The following CTNNA3 variants were observed in gnomAD, a reference collection of about 807,000 sequenced individuals.
The protein encoded by CTNNA3 is catenin alpha-3.
Under a neutral mutation model 95.7 loss-of-function variants are expected in CTNNA3, and 76 were observed. That is an observed-to-expected ratio of 0.79 (90% CI 0.66 to 0.96). The LOEUF (loss-of-function observed/expected upper bound fraction) is 0.96. Among genes scored for constraint, CTNNA3 ranks in the 40% least tolerant of loss-of-function variants. CTNNA3 has a pLI of 0.00. For synonymous variants in CTNNA3, 431 were observed against 374.4 expected (o/e 1.15, Z -1.74); for missense variants, 1,191 against 1,089.8 (o/e 1.09, Z -1.31).
chr10:66,532,467 GAAA>G (rs56400755), intron 10 of CTNNA3, among the ~76,000 whole-genome samples: 2 of 136,006 alleles, frequency 1.5e-5, no homozygotes, highest in Admixed American at 7.2e-5. Context: ...GTCTCAAAAA[GAAA>G]AAAAAAAAAA....
intron 11 of CTNNA3, among the ~76,000 whole-genome samples, chr10:66,457,695 G>A (rs556252971): frequency 6.6e-6 from 1 of 151,550 alleles, no homozygotes; most frequent in Admixed American, 6.6e-5. Context: ...AAAATAAAAT[G>A]AGCAAAAATG....
chr10:66,836,667 T>C (rs947759152), intron 7 of CTNNA3, among the ~76,000 whole-genome samples: 2 of 152,172 alleles, frequency 1.3e-5, no homozygotes, highest in Non-Finnish European at 2.9e-5. Flanking sequence ...ATGTGGCATG[T>C]AGCGAATAAC....
chr10:66,817,992 A>T (rs1842154831), intron 7 of CTNNA3, among the ~76,000 whole-genome samples: 1 of 151,948 alleles, frequency 6.6e-6, no homozygotes, highest in Non-Finnish European at 1.5e-5. Flanking sequence ...AACATATGAA[A>T]CTCAATCGAT....
chr10:66,337,880 A>G (rs2092413302), intron 12 of CTNNA3, among the ~76,000 whole-genome samples: 1 of 152,186 alleles, frequency 6.6e-6, no homozygotes, highest in Admixed American at 6.5e-5. Flanking sequence ...TTACCACATG[A>G]CCCAGCAATT....
chr10:66,688,224 T>C (rs1407558305), intron 9 of CTNNA3, among the ~76,000 whole-genome samples: 1 of 152,158 alleles, frequency 6.6e-6, no homozygotes. Flanking sequence ...GTCCACTGTG[T>C]CATAAAATCA....
intron 13 of CTNNA3, among the ~76,000 whole-genome samples, chr10:66,241,919 C>T (rs10762038): frequency 0.21 from 32,515 of 151,894 alleles, 3,658 homozygotes; most frequent in South Asian, 0.29. Context: ...CAGGAGAATA[C>T]TTTCAAAACC....
At chr10:66,915,094 T>C (rs751877835) in intron 7 of CTNNA3, among the ~76,000 whole-genome samples, 3 of 149,884 alleles carry the variant, frequency 2.0e-5, no homozygotes, top group Non-Finnish European at 4.4e-5. Flanking sequence ...CAAAGAAAAA[T>C]GTGGAGAGAT....
intron 1 of CTNNA3, among the ~76,000 whole-genome samples, chr10:67,740,068 T>C (rs1442660987): frequency 6.6e-6 from 1 of 152,240 alleles, no homozygotes; most frequent in East Asian, 1.9e-4. Context: ...AAGGATTCCC[T>C]ATTTAATAAA....
chr10:67,489,805 TAC>T (rs148302063), intron 5 of CTNNA3, among the ~76,000 whole-genome samples: 4,067 of 148,956 alleles, frequency 0.027, 93 homozygotes, highest in African/African-American at 0.051. Flanking sequence ...TATATATATA[TAC>T]ACACATTAGG....
intron 13 of CTNNA3, among the ~76,000 whole-genome samples, chr10:66,140,788 G>T (rs777624189): frequency 7.9e-5 from 12 of 152,290 alleles, no homozygotes; most frequent in Non-Finnish European, 1.6e-4. Context: ...AAGTAGTTCT[G>T]ACTTTTCTTC....
chr10:66,087,954 G>A (rs2081053249), intron 14 of CTNNA3, among the ~76,000 whole-genome samples: 1 of 151,988 alleles, frequency 6.6e-6, no homozygotes, highest in Non-Finnish European at 1.5e-5. Context: ...CTTTAATAAT[G>A]TATGCTTCAT....
intron 5 of CTNNA3, among the ~76,000 whole-genome samples, chr10:67,370,535 T>C (rs1454962081): frequency 4.6e-5 from 7 of 152,186 alleles, no homozygotes; most frequent in Non-Finnish European, 1.0e-4. Context: ...CTTACAATAG[T>C]ATAGTTTCAT....
intron 12 of CTNNA3, among the ~76,000 whole-genome samples, chr10:66,341,460 G>A (rs1016492933): frequency 6.6e-6 from 1 of 151,910 alleles, no homozygotes; most frequent in Non-Finnish European, 1.5e-5. Context: ...ACAAATAAAA[G>A]AGTATTTTTA....
chr10:66,384,932 AT>A (rs34326379), intron 11 of CTNNA3, among the ~76,000 whole-genome samples: 1 of 152,236 alleles, frequency 6.6e-6, no homozygotes, highest in Non-Finnish European at 1.5e-5. Flanking sequence ...TCTGGGACAC[AT>A]TTAAAGCAGT....
intron 7 of CTNNA3, among the ~76,000 whole-genome samples, chr10:67,017,125 A>T (rs1479227824): frequency 6.6e-6 from 1 of 152,254 alleles, no homozygotes; most frequent in African/African-American, 2.4e-5. Context: ...ATGTAACAAT[A>T]ACTGAGCAAA....
intron 7 of CTNNA3, among the ~76,000 whole-genome samples, chr10:66,898,078 G>A (rs1845572880): frequency 6.6e-6 from 1 of 152,166 alleles, no homozygotes; most frequent in African/African-American, 2.4e-5. Context: ...ATTGGCAAAT[G>A]AGATAAACTG....
rs80046318 is a variant in CTNNA3, at chr10:66,838,615, T to C, written c.1048-63091A>G. Among the ~76,000 whole-genome samples the C allele has an allele frequency of 8.2e-3, 1,253 of 152,248 alleles. 25 individuals are homozygous for C. Among genetic ancestry groups the C allele is most frequent in the African/African-American group, 0.029 (1,193 of 41,570 alleles). ...CTATCATAGGCTTGGACAGCATATG[T>C]ATAATACATTTGCCCACCTGCCCCC... On this transcript the variant is annotated intron_variant, in intron 7 of 17. Coordinates refer to ENST00000433211, the MANE Select transcript of CTNNA3 (RefSeq NM_013266.4).
At chr10:67,220,517 G>A (rs10823009) in intron 5 of CTNNA3, among the ~76,000 whole-genome samples, 40,452 of 151,898 alleles carry the variant, frequency 0.27, 8,002 homozygotes, top group African/African-American at 0.55. Flanking sequence ...GACAAACAAT[G>A]AACTAGATGA....
chr10:66,314,706 A>T (rs1432636357), intron 12 of CTNNA3, among the ~76,000 whole-genome samples: 1 of 152,118 alleles, frequency 6.6e-6, no homozygotes, highest in Non-Finnish European at 1.5e-5. Context: ...AGGTACTAAC[A>T]TTTCAATAAT....
Sources: allele counts gnomAD v4.1 joint callset (sites outside exome capture counted in the v4.1 genomes callset), GRCh38; gene constraint gnomAD v4.1.1; transcripts MANE v1.5; gene names NCBI Gene and HGNC (gene_info 2026-07-23, HGNC 2026-07-21).